SATB2: variants seen among roughly 807,000 people sequenced by gnomAD.
SATB2 encodes DNA-binding protein SATB2.
Under a neutral mutation model 73.4 loss-of-function variants are expected in SATB2, and 1 was observed. The observed-to-expected ratio is 0.01, with a 90% CI of 0.00 to 0.06. The LOEUF (loss-of-function observed/expected upper bound fraction) is 0.06, where lower values mean the gene tolerates loss of function less well. SATB2 is among the 10% of genes least tolerant of loss of function. The pLI is 1.00. For missense variants in SATB2, 459 were observed against 945.8 expected (o/e 0.49, Z 6.75); for synonymous variants, 397 against 367.0 (o/e 1.08, Z -0.93).
intron 3 of SATB2, among the ~76,000 whole-genome samples, chr2:199,382,205 TCA>T (rs1183799871): frequency 2.0e-5 from 3 of 152,174 alleles, no homozygotes; most frequent in Non-Finnish European, 2.9e-5. Flanking sequence ...AATATAAGAT[TCA>T]GTTTTGAATT....
chr2:199,440,500 G>T (rs572995501), intron 2 of SATB2, among the ~76,000 whole-genome samples: 51 of 152,218 alleles, frequency 3.4e-4, no homozygotes, highest in Non-Finnish European at 2.1e-4. Flanking sequence ...AGAAATTTCA[G>T]GTAGTATAAT....
In SATB2 at chr2:199,414,494, A is replaced by G. The variant is rs186357797; in HGVS notation, c.346+18844T>C. Among the ~76,000 whole-genome samples, 327 of 152,284 alleles carry G rather than the reference A, an allele frequency of 2.1e-3. 2 individuals carry two copies. The highest frequency in any genetic ancestry group is 7.5e-3 in the African/African-American group (313 of 41,552). On this transcript the variant is annotated intron_variant, in intron 3 of 10. Transcript: ENST00000417098. ...CTTATTAAATTGAATTAATAAATAC[A>G]TACCCCTCTCCTAATGCATCTCTGA...
intron 5 of SATB2, among the ~76,000 whole-genome samples, chr2:199,370,668 G>T (rs1689417813): frequency 6.6e-6 from 1 of 152,042 alleles, no homozygotes; most frequent in Admixed American, 6.6e-5. Flanking sequence ...TTTGGCCCCA[G>T]ATAATCCAAA....
chr2:199,345,687 C>A (rs981832895), intron 7 of SATB2, among the ~76,000 whole-genome samples: 2 of 152,110 alleles, frequency 1.3e-5, no homozygotes, highest in Non-Finnish European at 2.9e-5. Flanking sequence ...CTTCTCTGCA[C>A]CCTCCCCAGC....
rs550750571 is a variant in SATB2 at position 199,416,812 on chromosome 2, G to A, written c.346+16526C>T. Among the ~76,000 whole-genome samples the A allele has an allele frequency of 1.9e-4, 29 of 152,172 alleles. 1 individual carries two copies. Among genetic ancestry groups the A allele is most frequent in the Admixed American group, 1.4e-3 (22 of 15,288 alleles). On this transcript the variant is annotated intron_variant, in intron 3 of 10. Transcript: ENST00000417098. ...AGCACTTTGGGAGGCTGAAGCAGGC[G>A]GATCATGAGGTCAGGAGATCGAGAC...
chr2:199,368,045 C>G (rs1041554656), intron 6 of SATB2, among the ~76,000 whole-genome samples: 11 of 152,134 alleles, frequency 7.2e-5, no homozygotes, highest in Middle Eastern at 3.4e-3. Flanking sequence ...CGCATCTACC[C>G]AGTGACCTAA....
chr2:199,398,010 T>C (rs1446642509), intron 3 of SATB2, among the ~76,000 whole-genome samples: 2 of 152,218 alleles, frequency 1.3e-5, no homozygotes, highest in Non-Finnish European at 2.9e-5. Flanking sequence ...CTTGTCAGGA[T>C]GTTAGAATTA....
chr2:199,413,896 A>T lies in SATB2; in HGVS notation c.346+19442T>A, dbSNP rs559297544. Among the ~76,000 whole-genome samples the T allele has an allele frequency of 6.6e-5, 10 of 151,628 alleles. No homozygotes were observed. In the East Asian group the frequency reaches 1.9e-3, roughly 30 times the overall value. ...TGGACACCTACACGAGACAAATAAA[A>T]CTCCTGTTTGGTTAAGCCGCTGTTG... On this transcript the variant is annotated intron_variant, in intron 3 of 10. Coordinates refer to ENST00000417098, the MANE Select transcript of SATB2 (RefSeq NM_001172509.2).
upstream of SATB2, chr2:199,458,875 G>A (rs1692389527): frequency 3.3e-6 from 1 of 301,500 alleles, no homozygotes; most frequent in South Asian, 2.4e-5. Flanking sequence ...GTGCCGCCGC[G>A]CGCGCAGGGA....
intron 3 of SATB2, among the ~76,000 whole-genome samples, chr2:199,408,628 G>C (rs1690708263): frequency 6.6e-6 from 1 of 151,188 alleles, no homozygotes; most frequent in Non-Finnish European, 1.5e-5. Context: ...AACATGAAAG[G>C]AGAGAAAAGA....
chr2:199,440,390 G>A (rs1202625352), intron 2 of SATB2, among the ~76,000 whole-genome samples: 1 of 152,200 alleles, frequency 6.6e-6, no homozygotes, highest in Non-Finnish European at 1.5e-5. Flanking sequence ...ATAAAAAGAT[G>A]CTTGCTACAC....
In SATB2 at chr2:199,369,697, A is replaced by G. The variant is rs558216779; in HGVS notation, c.598-990T>C. On this transcript the variant is annotated intron_variant, in intron 5 of 10. Coordinates refer to ENST00000417098, the MANE Select transcript of SATB2 (RefSeq NM_001172509.2). ...GTTAGCCCCAGACATAGAACAGTTC[A>G]GAGAAATCTTAGAACTTCTAACGAC... 1.9e-3 allele frequency among the ~76,000 whole-genome samples: 283 copies of G among 152,306 alleles called. 17 individuals carry two copies. Among genetic ancestry groups the G allele is most frequent in the Non-Finnish European group, 1.4e-3 (96 of 68,004 alleles).
chr2:199,330,454 T>A (rs549517087), intron 7 of SATB2, among the ~76,000 whole-genome samples: 1 of 152,304 alleles, frequency 6.6e-6, no homozygotes, highest in African/African-American at 2.4e-5. Flanking sequence ...GATCAGTGTC[T>A]TTTGTGTGCG....
At chr2:199,292,884 T>C (rs1046973234) in intron 10 of SATB2, among the ~76,000 whole-genome samples, 1 of 152,160 alleles carries the variant, frequency 6.6e-6, no homozygotes, top group Non-Finnish European at 1.5e-5. Flanking sequence ...ATTTAGCAAA[T>C]AGAAATGGGG....
chr2:199,424,094 G>T (rs1032408849), intron 3 of SATB2, among the ~76,000 whole-genome samples: 1 of 152,174 alleles, frequency 6.6e-6, no homozygotes, highest in African/African-American at 2.4e-5. Context: ...AAAAGAGGCA[G>T]ACAGATAGAG....
intron 3 of SATB2, among the ~76,000 whole-genome samples, chr2:199,399,664 C>T (rs1574590263): frequency 6.6e-6 from 1 of 152,170 alleles, no homozygotes. Context: ...AGGAAACTTA[C>T]ATTCATGGGG....
intron 2 of SATB2, among the ~76,000 whole-genome samples, chr2:199,441,136 C>G (rs1691805354): frequency 1.3e-5 from 2 of 152,208 alleles, no homozygotes; most frequent in Admixed American, 6.5e-5. Context: ...TGTGAGCCAC[C>G]TTGCCCAGCC....
chr2:199,272,260 T>G lies in SATB2; in HGVS notation c.2153A>C (p.Glu718Ala). The change falls in exon 11 of 11, where the codon GAA becomes GCA. Residue 718 changes from glutamate to alanine, a missense_variant. Transcript: ENST00000417098. This position sits in a 1 kb window ranked among gnomAD's most constrained non-coding sequence, Gnocchi z 6.7. ...EEMYKVEAEEENADKSKAAPA... is the reference protein window; with the variant it reads ...EEMYKVEAEEANADKSKAAPA... ...TGCTGCCTTGCTTTTGTCAGCATTT[T>G]CCTCCTCAGCCTCCACTTTGTACAT... The G allele has an allele frequency of 6.2e-7, 1 of 1,614,218 alleles. No homozygotes were observed. Among genetic ancestry groups the G allele is most frequent in the Non-Finnish European group, 8.5e-7 (1 of 1,180,030 alleles).
At chr2:199,339,565 G>T (rs530325502) in intron 7 of SATB2, among the ~76,000 whole-genome samples, 1 of 152,086 alleles carries the variant, frequency 6.6e-6, no homozygotes, top group East Asian at 1.9e-4. Flanking sequence ...TTTTTCACAG[G>T]TTTCCTTGTC....
Sources: allele counts gnomAD v4.1 joint callset (sites outside exome capture counted in the v4.1 genomes callset), GRCh38; gene constraint gnomAD v4.1.1; non-coding constraint Gnocchi (gnomAD v3.1); transcripts MANE v1.5; gene names NCBI Gene and HGNC (gene_info 2026-07-23, HGNC 2026-07-21).